Variants in HPSE2 observed in about 807,000 individuals in gnomAD.
The protein encoded by HPSE2 is inactive heparanase-2.
A neutral mutation model predicts 60.5 loss-of-function variants in HPSE2; 38 were observed. The ratio of observed to expected loss-of-function variants is 0.63; its 90% confidence interval spans 0.48 to 0.82. The LOEUF is 0.82. HPSE2 is among the 40% of genes least tolerant of loss of function. The pLI is 0.00. For missense variants in HPSE2, 713 were observed against 740.4 expected, an observed-to-expected ratio of 0.96 and a Z score of 0.43; for synonymous variants, 295 against 293.2, an observed-to-expected ratio of 1.01 and a Z score of -0.06.
chr10:98,680,924 T>G (rs1383401036), intron 6 of HPSE2, among the ~76,000 whole-genome samples: 1 of 151,762 alleles, frequency 6.6e-6, no homozygotes, highest in Non-Finnish European at 1.5e-5. Flanking sequence ...CCCAGCTATT[T>G]TTTGTATTTT....
intron 2 of HPSE2, among the ~76,000 whole-genome samples, chr10:99,153,410 C>T (rs1476080000): frequency 2.6e-5 from 4 of 152,180 alleles, no homozygotes; most frequent in Admixed American, 6.5e-5. Context: ...GATCTGAGAA[C>T]GGGCAGACTG....
chr10:98,989,474 C>G (rs1413308527), intron 3 of HPSE2, among the ~76,000 whole-genome samples: 2 of 139,660 alleles, frequency 1.4e-5, no homozygotes, highest in Non-Finnish European at 3.0e-5. Flanking sequence ...GGAAGGGGAA[C>G]ATCAAACACC....
intron 3 of HPSE2, among the ~76,000 whole-genome samples, chr10:99,054,996 G>A (rs1184959139): frequency 6.6e-6 from 1 of 152,092 alleles, no homozygotes; most frequent in East Asian, 1.9e-4. Flanking sequence ...ACAAGTGTGA[G>A]CCACTGTGCC....
At chr10:98,494,506 A>T in intron 9 of HPSE2, among the ~76,000 whole-genome samples, 1 of 152,240 alleles carries the variant, frequency 6.6e-6, no homozygotes, top group East Asian at 1.9e-4. Flanking sequence ...ATTTAGGCTA[A>T]ATTGTGGGAG....
chr10:99,287,034 C>T, the HPSE2 span, among the ~76,000 whole-genome samples: 1 of 152,148 alleles, frequency 6.6e-6, no homozygotes, highest in Non-Finnish European at 1.5e-5. Context: ...TCACAAACAA[C>T]ATAATAGCAG....
intron 3 of HPSE2, among the ~76,000 whole-genome samples, chr10:99,056,071 G>A (rs1269478201): frequency 2.0e-5 from 3 of 151,468 alleles, no homozygotes; most frequent in Admixed American, 2.0e-4. Flanking sequence ...GCAAGAATAA[G>A]GAAAAAGACT....
At chr10:98,587,811 C>G (rs952891411) in intron 9 of HPSE2, among the ~76,000 whole-genome samples, 1 of 152,188 alleles carries the variant, frequency 6.6e-6, no homozygotes, top group Non-Finnish European at 1.5e-5. Flanking sequence ...GGTTGATTTT[C>G]TTTACTCCAG....
At chr10:99,032,985 AT>A (rs1457615068) in intron 3 of HPSE2, among the ~76,000 whole-genome samples, 7 of 152,228 alleles carry the variant, frequency 4.6e-5, no homozygotes, top group African/African-American at 1.7e-4. Flanking sequence ...AGAAACCTTA[AT>A]TTCATCTACA....
At chr10:99,168,087 TAC>T (rs56393224) in intron 2 of HPSE2, among the ~76,000 whole-genome samples, 1,492 of 144,696 alleles carry the variant, frequency 0.01, 22 homozygotes, top group African/African-American at 0.033. Flanking sequence ...TCAGCCTATT[TAC>T]ACACACACAC....
chr10:98,939,774 T>C (rs1954932546), intron 3 of HPSE2, among the ~76,000 whole-genome samples: 1 of 143,808 alleles, frequency 7.0e-6, no homozygotes, highest in African/African-American at 2.8e-5. Context: ...ATCAACAAAA[T>C]AAACATTCTT....
intron 9 of HPSE2, among the ~76,000 whole-genome samples, chr10:98,529,742 A>G (rs756185942): frequency 1.3e-5 from 2 of 152,092 alleles, no homozygotes; most frequent in Non-Finnish European, 2.9e-5. Flanking sequence ...CTTTCTTATT[A>G]CCACCAAATC....
At chr10:98,643,843 A>C (rs1946699840) in intron 6 of HPSE2, among the ~76,000 whole-genome samples, 1 of 152,234 alleles carries the variant, frequency 6.6e-6, no homozygotes, top group African/African-American at 2.4e-5. Flanking sequence ...CTACTATATT[A>C]TATGGTGACC....
intron 5 of HPSE2, among the ~76,000 whole-genome samples, chr10:98,718,671 G>A (rs1329328423): frequency 6.6e-6 from 1 of 152,100 alleles, no homozygotes; most frequent in East Asian, 1.9e-4. Context: ...TATATTAAGT[G>A]AAACAAGCCA....
At chr10:99,067,967 T>C (rs1001329253) in intron 3 of HPSE2, among the ~76,000 whole-genome samples, 4 of 152,184 alleles carry the variant, frequency 2.6e-5, no homozygotes, top group African/African-American at 9.7e-5. Flanking sequence ...ATCATAACTC[T>C]TAAGTTCAAA....
intron 3 of HPSE2, among the ~76,000 whole-genome samples, chr10:99,099,859 A>T (rs1843878390): frequency 6.6e-6 from 1 of 152,162 alleles, no homozygotes; most frequent in Non-Finnish European, 1.5e-5. Context: ...TGCAGCCTCC[A>T]CTGCTGATAC....
intron 3 of HPSE2, among the ~76,000 whole-genome samples, chr10:98,983,455 C>T (rs534938802): frequency 5.3e-5 from 8 of 152,288 alleles, no homozygotes; most frequent in East Asian, 1.9e-4. Flanking sequence ...TTGCCAATCT[C>T]GGGATATTCC....
At chr10:99,274,065 G>A in the HPSE2 span, among the ~76,000 whole-genome samples, 2 of 152,218 alleles carry the variant, frequency 1.3e-5, no homozygotes, top group Non-Finnish European at 2.9e-5. Context: ...GTGTAAAGCA[G>A]GCAGGTGCGG....
chr10:99,101,553 C>A (rs1486083190), intron 3 of HPSE2, among the ~76,000 whole-genome samples: 3 of 152,288 alleles, frequency 2.0e-5, no homozygotes, highest in East Asian at 1.9e-4. Context: ...AACTTTAACA[C>A]CCCACTGTCA....
At chr10:98,987,119 G>T (rs1181549189) in intron 3 of HPSE2, among the ~76,000 whole-genome samples, 1 of 152,032 alleles carries the variant, frequency 6.6e-6, no homozygotes, top group African/African-American at 2.4e-5. Context: ...TAGAAAAAGA[G>T]GGAATCCTCC....
Sources: allele counts gnomAD v4.1 joint callset (sites outside exome capture counted in the v4.1 genomes callset), GRCh38; gene constraint gnomAD v4.1.1; transcripts MANE v1.5; gene names NCBI Gene and HGNC (gene_info 2026-07-23, HGNC 2026-07-21).